The following KAZN variants were observed in gnomAD, a reference collection of about 807,000 sequenced individuals.
The protein encoded by KAZN is kazrin, periplakin interacting protein.
Under a neutral mutation model 87.4 loss-of-function variants are expected in KAZN, and 40 were observed. The ratio of observed to expected loss-of-function variants is 0.46; its 90% CI spans 0.36 to 0.60. KAZN has a LOEUF of 0.60. Ranked by LOEUF, KAZN falls within the 20% of genes least tolerant of loss-of-function variation. The pLI is 0.00. For synonymous variants in KAZN, 466 were observed against 458.3 expected (o/e 1.02, Z -0.22); for missense variants, 898 against 1,073.9 (o/e 0.84, Z 2.29).
At chr1:15,053,855 C>T (rs1047604765) in intron 4 of KAZN, among the ~76,000 whole-genome samples, 1 of 152,230 alleles carries the variant, frequency 6.6e-6, no homozygotes, top group Non-Finnish European at 1.5e-5. Context: ...AGGCTGACAC[C>T]CTCAGCTTAG....
At chr1:13,993,419 G>A (rs2050169) in intron 1 of KAZN, among the ~76,000 whole-genome samples, 20,130 of 151,966 alleles carry the variant, frequency 0.13, 1,463 homozygotes, top group Middle Eastern at 0.21. Flanking sequence ...ACATTAAATT[G>A]TTTGATATTT....
At chr1:13,982,235 C>T (rs1475926230) in intron 1 of KAZN, among the ~76,000 whole-genome samples, 1 of 152,148 alleles carries the variant, frequency 6.6e-6, no homozygotes, top group Non-Finnish European at 1.5e-5. Flanking sequence ...CAGTGCCCAC[C>T]TCAAGGTGTG....
chr1:14,060,287 C>T (rs910377744), intron 1 of KAZN, among the ~76,000 whole-genome samples: 5 of 149,716 alleles, frequency 3.3e-5, no homozygotes, highest in South Asian at 2.1e-4. Context: ...GGCGTGAAAC[C>T]GGGAGGCGGA....
At chr1:13,945,989 C>A (rs1337264005) in intron 1 of KAZN, among the ~76,000 whole-genome samples, 1 of 152,174 alleles carries the variant, frequency 6.6e-6, no homozygotes, top group Non-Finnish European at 1.5e-5. Context: ...CTCTCTCCAG[C>A]ACCAAGAACT....
chr1:14,971,424 C>G (rs750604248), intron 2 of KAZN, among the ~76,000 whole-genome samples: 5 of 152,148 alleles, frequency 3.3e-5, no homozygotes, highest in Admixed American at 6.5e-5. Context: ...AAAAGAAAAT[C>G]TTCTACGGCC....
At chr1:14,999,494 G>GCCCCCC (rs1425034118) in intron 2 of KAZN, among the ~76,000 whole-genome samples, 14 of 132,756 alleles carry the variant, frequency 1.1e-4, no homozygotes, top group African/African-American at 5.1e-4. Context: ...GGCATTGCCT[G>GCCCCCC]CCCCCCTCCC....
At chr1:15,001,794 G>A (rs1186405558) in intron 2 of KAZN, among the ~76,000 whole-genome samples, 2 of 149,512 alleles carry the variant, frequency 1.3e-5, no homozygotes, top group African/African-American at 2.5e-5. Context: ...ATCACTGTCT[G>A]TTCCACGGGT....
At chr1:14,468,757 T>C (rs1668295332) in intron 2 of KAZN, among the ~76,000 whole-genome samples, 1 of 152,176 alleles carries the variant, frequency 6.6e-6, no homozygotes, top group Non-Finnish European at 1.5e-5. Context: ...CAGTGTCTGG[T>C]TGGTGGTGGT....
At chr1:14,929,103 AGTT>A (rs1423239787) in intron 1 of KAZN, among the ~76,000 whole-genome samples, 1 of 152,162 alleles carries the variant, frequency 6.6e-6, no homozygotes, top group Non-Finnish European at 1.5e-5. Context: ...CCCACCTCAG[AGTT>A]GTTGGAAATT....
chr1:14,628,126 T>C (rs1472374001), intron 1 of KAZN, among the ~76,000 whole-genome samples: 1 of 152,232 alleles, frequency 6.6e-6, no homozygotes, highest in Non-Finnish European at 1.5e-5. Context: ...TCAGTCTCCA[T>C]TGCTACAGAC....
At chr1:14,466,767 G>C (rs995202895) in intron 2 of KAZN, among the ~76,000 whole-genome samples, 11 of 151,960 alleles carry the variant, frequency 7.2e-5, no homozygotes, top group Non-Finnish European at 1.3e-4. Context: ...AGGAGATGGA[G>C]ACCATCCTGG....
chr1:14,598,697 G>A lies in KAZN; in HGVS notation c.-301G>A, dbSNP rs1234514172. ...GGCGCGCGGTGTCCTTCTTGGAGCA[G>A]CTCTCGGCGCCCGCCCGCCGGGGTC... is the stretch of plus-strand genomic sequence containing the variant. On this transcript the variant is annotated 5_prime_UTR_variant, in exon 1 of 15. Coordinates refer to ENST00000376030, the MANE Select transcript of KAZN (RefSeq NM_201628.3). This position sits in a 1 kb window ranked among gnomAD's most constrained non-coding sequence, Gnocchi z 4.2. 1.2e-5 allele frequency: 16 copies of A among 1,311,770 alleles called. No homozygotes were observed. Among genetic ancestry groups the A allele is most frequent in the Non-Finnish European group, 1.5e-5 (16 of 1,038,298 alleles). 81.3% of individuals were successfully genotyped at this position (1,311,770 alleles called of 1,614,324 possible).
At chr1:14,698,809 G>A (rs1192743572) in intron 1 of KAZN, among the ~76,000 whole-genome samples, 1 of 152,352 alleles carries the variant, frequency 6.6e-6, no homozygotes. Context: ...TGCAAAGAAT[G>A]TCCAAACACC....
At chr1:14,139,926 A>AAT (rs199509204) in intron 1 of KAZN, among the ~76,000 whole-genome samples, 3 of 29,018 alleles carry the variant, frequency 1.0e-4, no homozygotes, top group African/African-American at 2.8e-4. Context: ...ATTTGAGGTA[A>AAT]ATGTGTGTGT....
chr1:14,615,434 C>G (rs1678156861), intron 1 of KAZN, among the ~76,000 whole-genome samples: 1 of 152,180 alleles, frequency 6.6e-6, no homozygotes, highest in African/African-American at 2.4e-5. Context: ...TCGAGACCAG[C>G]CTGGCCAACA....
chr1:14,744,133 G>T (rs898706579), intron 1 of KAZN, among the ~76,000 whole-genome samples: 3 of 152,150 alleles, frequency 2.0e-5, no homozygotes, highest in African/African-American at 7.2e-5. Context: ...TGCCCTGAAT[G>T]GTTCCTTATG....
chr1:15,074,983 C>T (rs1198667757), intron 8 of KAZN, among the ~76,000 whole-genome samples: 2 of 152,172 alleles, frequency 1.3e-5, no homozygotes, highest in South Asian at 2.1e-4. Flanking sequence ...AGCCTCTCGC[C>T]GGCCCTGTGA....
chr1:14,050,135 T>C (rs1040360617), intron 1 of KAZN, among the ~76,000 whole-genome samples: 21 of 113,870 alleles, frequency 1.8e-4, no homozygotes, highest in Non-Finnish European at 2.1e-4. Flanking sequence ...CATGTGCACA[T>C]GTGTGGATTT....
At chr1:14,575,968 G>A (rs955486195) in intron 2 of KAZN, among the ~76,000 whole-genome samples, 6 of 152,174 alleles carry the variant, frequency 3.9e-5, no homozygotes, top group Non-Finnish European at 5.9e-5. Flanking sequence ...TGTGGGGGTT[G>A]TGAGTCATTT....
Sources: allele counts gnomAD v4.1 joint callset (sites outside exome capture counted in the v4.1 genomes callset), GRCh38; gene constraint gnomAD v4.1.1; non-coding constraint Gnocchi (gnomAD v3.1); transcripts MANE v1.5; gene names NCBI Gene and HGNC (gene_info 2026-07-23, HGNC 2026-07-21).